Variants in CCDC197 observed in about 807,000 individuals in gnomAD.
CCDC197 encodes uncharacterized protein CCDC197.
Under a neutral mutation model 13.4 loss-of-function variants are expected in CCDC197, and 24 were observed. The ratio of observed to expected loss-of-function variants is 1.80; its 90% CI spans 1.30 to 2.53. CCDC197 has a LOEUF of 2.53. Ranked by LOEUF, CCDC197 falls within the 30% of genes most tolerant of loss-of-function variation. The pLI is 0.00. For missense variants in CCDC197, 255 were observed against 148.8 expected, an observed-to-expected ratio of 1.71 and a Z score of -3.71; for synonymous variants, 99 against 55.5, an observed-to-expected ratio of 1.78 and a Z score of -3.48.
At chr14:94,011,233 G>A (rs1890802816), downstream of CCDC197, among the ~76,000 whole-genome samples, 1 of 152,326 alleles carries the variant, frequency 6.6e-6, no homozygotes, top group South Asian at 2.1e-4. Flanking sequence ...TACGCCCAGG[G>A]TGAAGTTCTG....
intron 1 of CCDC197, among the ~76,000 whole-genome samples, chr14:93,990,260 C>T (rs1232303147): frequency 6.6e-6 from 1 of 152,194 alleles, no homozygotes; most frequent in East Asian, 1.9e-4. Flanking sequence ...TAAGGGGAAT[C>T]CTGGGGGCTT....
chr14:93,998,255 TGCCCCA>T lies in CCDC197; in HGVS notation c.104+34_104+39del. ...GGCTAAGTATGTGTTGTCCCACCCC[TGCCCCA>T]GCCCCAGCCCCAGTGCTTCCCCAGT... is the stretch of plus-strand genomic sequence containing the variant. On this transcript the variant is annotated intron_variant, in intron 2 of 6. Coordinates refer to ENST00000636493, the MANE Select transcript of CCDC197 (RefSeq NM_001351596.2). 1 of 774,306 alleles carries T rather than the reference TGCCCCA, an allele frequency of 1.3e-6. No homozygotes were observed. Among genetic ancestry groups the T allele is most frequent in the Admixed American group, 1.7e-5 (1 of 58,606 alleles). 48.0% of individuals were successfully genotyped at this position (774,306 alleles called of 1,614,324 possible).
Position 94,003,156 on chromosome 14 carries a change from G to T in CCDC197, c.367-67G>T. ...CTGTCATTGCACAGACCACCCTGGG[G>T]ACTCAGACCAGGGCATATGCCCTGG... On this transcript the variant is annotated intron_variant, in intron 4 of 6. Coordinates refer to ENST00000636493, the MANE Select transcript of CCDC197 (RefSeq NM_001351596.2). The surrounding 1 kb of genome is among the most constrained non-coding windows in gnomAD (Gnocchi z 5.0). The T allele has an allele frequency of 1.4e-6, 1 of 729,648 alleles. No individual in the cohort carries two copies. Among genetic ancestry groups the T allele is most frequent in the Non-Finnish European group, 2.6e-6 (1 of 391,730 alleles). The allele number at this position is 729,648 out of a possible 1,614,324, so 45.2% of individuals were successfully genotyped here.
intron 1 of CCDC197, among the ~76,000 whole-genome samples, chr14:93,991,872 C>G (rs1890218242): frequency 6.6e-6 from 1 of 152,182 alleles, no homozygotes. Context: ...AACAGAAAAG[C>G]CACTGTGAGA....
At chr14:93,988,209 GGAGAGGGGATGAGAGAGGGGATAA>G (rs1567038863) in intron 1 of CCDC197, among the ~76,000 whole-genome samples, 1 of 122,230 alleles carries the variant, frequency 8.2e-6, no homozygotes, top group African/African-American at 3.3e-5. Context: ...GGAGGGTATG[GGAGAGGGGATGAGAGAGGGGATAA>G]GAGAGGGGAT....
At chr14:93,991,315 G>A (rs1014861559) in intron 1 of CCDC197, among the ~76,000 whole-genome samples, 1 of 152,176 alleles carries the variant, frequency 6.6e-6, no homozygotes, top group South Asian at 2.1e-4. Flanking sequence ...TGAGATCCTA[G>A]TATGACAGAC....
intron 1 of CCDC197, among the ~76,000 whole-genome samples, chr14:93,989,482 C>T (rs756661816): frequency 3.9e-5 from 6 of 152,176 alleles, no homozygotes; most frequent in Non-Finnish European, 7.4e-5. Context: ...GTGGCCCTGG[C>T]ATGCTCAGTG....
chr14:94,006,065 G>T (rs534211824), intron 6 of CCDC197, among the ~76,000 whole-genome samples: 1 of 152,102 alleles, frequency 6.6e-6, no homozygotes, highest in South Asian at 2.1e-4. Flanking sequence ...TTTAACATTC[G>T]AAGAACTGCC....
At chr14:94,002,918 C>T (rs888952971) in intron 4 of CCDC197, among the ~76,000 whole-genome samples, 2 of 151,528 alleles carry the variant, frequency 1.3e-5, no homozygotes, top group Admixed American at 1.3e-4. Flanking sequence ...CTACATGGCT[C>T]GGGTGACCTG....
upstream of CCDC197, among the ~76,000 whole-genome samples, chr14:93,996,404 CT>C (rs891640554): frequency 6.6e-5 from 10 of 152,192 alleles, no homozygotes; most frequent in African/African-American, 2.4e-4. Context: ...ACCCCTGCCC[CT>C]GCCCCTGAGC....
intron 3 of CCDC197, chr14:94,000,777 C>T (rs1041699836): frequency 1.7e-5 from 3 of 174,306 alleles, no homozygotes; most frequent in Non-Finnish European, 2.4e-5. Flanking sequence ...GCATAACCAC[C>T]AGGACTTGGC....
intron 4 of CCDC197, among the ~76,000 whole-genome samples, chr14:94,002,901 C>G (rs1299609356): frequency 6.6e-6 from 1 of 151,378 alleles, no homozygotes; most frequent in Non-Finnish European, 1.5e-5. Flanking sequence ...TTAATGGACT[C>G]GCAGTTCTAC....
intron 2 of CCDC197, 122 bp downstream of exon 2, chr14:93,998,357 T>C (rs1241606905): frequency 3.0e-6 from 2 of 670,530 alleles, no homozygotes; most frequent in African/African-American, 3.5e-5. Flanking sequence ...AGGAGGGCAG[T>C]GTGGCTTGGA....
intron 1 of CCDC197, among the ~76,000 whole-genome samples, chr14:93,991,204 T>A (rs1890204777): frequency 6.6e-6 from 1 of 152,216 alleles, no homozygotes; most frequent in Non-Finnish European, 1.5e-5. Flanking sequence ...GCAGATGTTC[T>A]AGTGGTCACA....
At chr14:93,988,446 G>GA (rs1890142728) in intron 1 of CCDC197, among the ~76,000 whole-genome samples, 1 of 69,738 alleles carries the variant, frequency 1.4e-5, no homozygotes, top group Non-Finnish European at 2.8e-5. Context: ...GAGGATGGGA[G>GA]GAGGAGATGG....
intron 3 of CCDC197, 28 bp from the exon 4 acceptor site, chr14:94,001,117 C>T (rs1218962510): frequency 4.0e-6 from 3 of 742,200 alleles, no homozygotes; most frequent in Admixed American, 3.8e-5. Flanking sequence ...GGGCACCCAC[C>T]CATCCCGCCA....
rs117048402 is a variant in CCDC197 at position 93,989,950 on chromosome 14, T to A, written c.-107+2554T>A. On this transcript the variant is annotated intron_variant, in intron 1 of 7. Transcript: ENST00000640978. ...CTTTCTGACTGCTGGTCGGGCCTGT[T>A]CTTAGCTCCTAGTGGCTTCTCTGGT... 4.2e-3 allele frequency among the ~76,000 whole-genome samples: 638 copies of A among 152,318 alleles called. 9 individuals carry two copies. The highest frequency in any genetic ancestry group is 0.019 in the South Asian group (90 of 4,828).
Position 94,008,738 on chromosome 14 carries a change from C to G in CCDC197, c.745C>G (p.Pro249Ala). The change falls in exon 7 of 7, where the codon CCA (proline) becomes GCA (alanine). Residue 249 changes from proline (P) to alanine (A), a missense_variant. Pro to Ala is a conservative substitution (Grantham distance 27, BLOSUM62 -1). Coordinates refer to ENST00000636493, the MANE Select transcript of CCDC197 (RefSeq NM_001351596.2). ...ACACCCCAAACCCTTCAGGAAATGT[C>G]CAAGGAGGCGGGTTTCCACCCCCAG... The part of the protein sequence containing the change: ...RRHPKPFRKC[P>A]RRRVSTPRTP... 1 of 702,824 alleles carries G rather than the reference C, an allele frequency of 1.4e-6. No individual in the cohort carries two copies. Among genetic ancestry groups the G allele is most frequent in the Non-Finnish European group, 2.6e-6 (1 of 385,006 alleles). 43.5% of individuals were successfully genotyped at this position (702,824 alleles called of 1,614,324 possible). A position where few individuals can be genotyped will look rare whatever the true frequency, so the allele number is the denominator to read the frequency against.
At chr14:94,002,196 G>A (rs1235631026) in intron 4 of CCDC197, among the ~76,000 whole-genome samples, 1 of 152,136 alleles carries the variant, frequency 6.6e-6, no homozygotes, top group East Asian at 1.9e-4. Context: ...GAGAAGCGGG[G>A]CCACGGGGGT....
Sources: gnomAD v4.1 joint callset for allele counts (sites outside exome capture counted in the v4.1 genomes callset) on GRCh38, gnomAD v4.1.1 for gene constraint, Gnocchi (gnomAD v3.1) non-coding constraint, MANE v1.5 for transcripts, NCBI Gene and HGNC (gene_info 2026-07-23, HGNC 2026-07-21) for gene names.